The following DNAH17 variants were observed in gnomAD, a reference collection of about 807,000 sequenced individuals.
DNAH17 encodes the protein dynein axonemal heavy chain 17.
In DNAH17, 376 loss-of-function variants were observed where a neutral mutation model predicts 485.6. The ratio of observed to expected loss-of-function variants is 0.77; its 90% CI spans 0.71 to 0.84. The LOEUF (loss-of-function observed/expected upper bound fraction) is 0.84. DNAH17 is among the 40% of genes least tolerant of loss of function. DNAH17 has a pLI of 0.00. For missense variants in DNAH17, 6,370 were observed against 5,839.3 expected (o/e 1.09, Z -2.96); for synonymous variants, 3,031 against 2,405.9 (o/e 1.26, Z -7.60).
At chr17:78,551,990 G>C (rs1342432546) in intron 15 of DNAH17, among the ~76,000 whole-genome samples, 2 of 151,826 alleles carry the variant, frequency 1.3e-5, no homozygotes, top group East Asian at 1.9e-4. Context: ...AATTCAGCAG[G>C]ATGAAAACTT....
chr17:78,450,586 G>A lies in DNAH17; in HGVS notation c.10899+96C>T, dbSNP rs1384944535. ...CACTCGGGCACGTATGACCGAAGCT[G>A]CTTTTCTCCTTTCTCATGGTAGGGA... is the stretch of plus-strand genomic sequence containing the variant. On this transcript the variant is annotated intron_variant, in intron 67 of 80. Coordinates refer to ENST00000389840, the MANE Select transcript of DNAH17 (RefSeq NM_173628.4). 6.7e-6 allele frequency: 10 copies of A among 1,487,348 alleles called. No homozygotes were observed. The East Asian group carries it at 1.5e-4, about 22-fold the overall frequency. The allele number at this position is 1,487,348 out of a possible 1,614,324, so 92.1% of individuals were successfully genotyped here. A position where few individuals can be genotyped will look rare whatever the true frequency, so the allele number is the denominator to read the frequency against.
intron 75 of DNAH17, among the ~76,000 whole-genome samples, chr17:78,432,910 C>CACCCCCAA (rs908649933): frequency 8.1e-6 from 1 of 123,976 alleles, no homozygotes; most frequent in Admixed American, 7.5e-5. Flanking sequence ...GTGCCCCCCC[C>CACCCCCAA]CCCCGACCCC....
chr17:78,569,416 T>C lies in DNAH17; in HGVS notation c.1156A>G (p.Thr386Ala). Residue 386 changes from threonine to alanine, a missense_variant, in exon 8 of 81, where the codon ACG (threonine) becomes GCG (alanine). Coordinates refer to ENST00000389840, the MANE Select transcript of DNAH17 (RefSeq NM_173628.4). Reference sequence around the variant, plus strand: ...ATGTTCACGCAGCAGAAGTCGTACGTCTGGTAGAGCTCCTTCAGCACATTT... The same window carrying C: ...ATGTTCACGCAGCAGAAGTCGTACGCCTGGTAGAGCTCCTTCAGCACATTT... ...AVNVLKELYQ[T>A]YDFCCVNMKL... is the part of the protein sequence containing the mutation. The C allele has an allele frequency of 6.2e-7, 1 of 1,612,950 alleles. No individual in the cohort carries two copies. The highest frequency in any genetic ancestry group is 2.2e-5 in the East Asian group (1 of 44,862).
intron 56 of DNAH17, among the ~76,000 whole-genome samples, chr17:78,464,245 T>C (rs1056063894): frequency 6.6e-6 from 1 of 152,146 alleles, no homozygotes; most frequent in African/African-American, 2.4e-5. Context: ...ACAGTGAACA[T>C]GGGCGCCATC....
rs149518721 is a variant in DNAH17, at chr17:78,429,196, G to A, written c.12330C>T (p.Tyr4110=). ...RRLCRTYLAE[Y]IRTEMLEGDV... ...CTCCCTCCAGCATCTCCGTCCGGAT[G>A]TATTCAGCCAGGTAGGTCCTGCACA... The change falls in exon 76 of 81, where the codon TAC becomes TAT. Residue 4110 remains tyrosine (Y), a synonymous_variant. Coordinates refer to ENST00000389840, the MANE Select transcript of DNAH17 (RefSeq NM_173628.4). 1.2e-4 allele frequency: 199 copies of A among 1,613,862 alleles called. No homozygotes were observed. In the African/African-American group the frequency reaches 1.9e-3, roughly 16 times the overall value.
chr17:78,437,660 G>T lies in DNAH17; in HGVS notation c.12014C>A (p.Ala4005Asp), dbSNP rs1255925654. ...CCCTACCTGGGTGAACAGGTCCAGG[G>T]CCTTGTGCAAGTTGGCGTGCATGCC... ...PTGMHANLHK[A>D]LDLFTQDTLE... is the part of the protein sequence containing the mutation. The change falls in exon 74 of 81, where the codon GCC (alanine) becomes GAC (aspartate). Residue 4005 changes from alanine to aspartate, a missense_variant. Physicochemically the swap from Ala to Asp is moderately radical, Grantham distance 126 (BLOSUM62 -2). Transcript: ENST00000389840. 3 of 1,610,426 alleles carry T rather than the reference G, an allele frequency of 1.9e-6. No homozygotes were observed. The highest frequency in any genetic ancestry group is 1.7e-6 in the Non-Finnish European group (2 of 1,178,632).
Position 78,480,956 on chromosome 17 carries a change from T to C in DNAH17, c.7650-170A>G, listed in dbSNP as rs2001806. On this transcript the variant is annotated intron_variant, in intron 48 of 80. Transcript: ENST00000389840. ...CACAATCTCGGCTCACTGCAAGCTT[T>C]GCCTAATTTTTTGCATTTTTAGTTG... Among the ~76,000 whole-genome samples the C allele has an allele frequency of 0.032, 4,790 of 151,958 alleles. 235 individuals carry two copies. The highest frequency in any genetic ancestry group is 0.11 in the African/African-American group (4,378 of 41,386).
chr17:78,491,229 A>G (rs1345428955), intron 43 of DNAH17, among the ~76,000 whole-genome samples: 1 of 152,244 alleles, frequency 6.6e-6, no homozygotes, highest in Non-Finnish European at 1.5e-5. Context: ...CCATCCTGCT[A>G]AAATGTAAGG....
At chr17:78,501,627 CAG>C (rs2090293698) in intron 34 of DNAH17, 113 bp downstream of exon 34, 7 of 1,435,850 alleles carry the variant, frequency 4.9e-6, no homozygotes, top group South Asian at 3.9e-5. Flanking sequence ...CAGCCAGCAA[CAG>C]AGTCAGTGCC....
At chr17:78,454,997 T>C (rs539923756) in intron 63 of DNAH17, among the ~76,000 whole-genome samples, 41 of 152,092 alleles carry the variant, frequency 2.7e-4, no homozygotes, top group Non-Finnish European at 4.4e-4. Flanking sequence ...GTAACCTCTG[T>C]CTCTCGAGTT....
chr17:78,449,427 T>C lies in DNAH17; in HGVS notation c.11198A>G (p.Gln3733Arg). 6.5e-7 allele frequency: 1 copy of C among 1,550,088 alleles called. No individual in the cohort carries two copies. The highest frequency in any genetic ancestry group is 8.7e-7 in the Non-Finnish European group (1 of 1,146,166). The part of the protein sequence containing the change: ...FERDKLIFLA[Q>R]VTFQVLSMKK... ...GCTAGACATTACCTGAAACGTAACTTGTGCCAGGAAAATGAGTTTGTCCCT... is the reference window on the plus strand; with the variant it reads ...GCTAGACATTACCTGAAACGTAACTCGTGCCAGGAAAATGAGTTTGTCCCT... The change falls in exon 69 of 81, where the codon CAA (glutamine) becomes CGA (arginine). Residue 3733 changes from glutamine (Q) to arginine (R), a missense_variant. Gln to Arg is a conservative substitution (Grantham distance 43). Transcript: ENST00000389840.
Position 78,494,731 on chromosome 17 carries a change from G to A in DNAH17, c.6132C>T (p.Asp2044=). The A allele has an allele frequency of 1.2e-6, 2 of 1,613,794 alleles. No homozygotes were observed. The highest frequency in any genetic ancestry group is 1.7e-6 in the Non-Finnish European group (2 of 1,179,888). ...LKRGDPSRAE[D]QVLMRALRDF... ...CTCTCAGCGCCCGCATGAGCACCTG[G>A]TCCTCTGCCCGGCTGGGGTCGCCCC... Residue 2044 remains aspartate (D), a synonymous_variant, in exon 40 of 81, where the codon GAC becomes GAT. Coordinates refer to ENST00000389840, the MANE Select transcript of DNAH17 (RefSeq NM_173628.4).
Position 78,466,537 on chromosome 17 carries a change from G to A in DNAH17, c.8940+118C>T, listed in dbSNP as rs987440665. ...GCCTCTTAAACGTTGAGCCCAAGGC[G>A]GACGCCTCACTTGGCTCACCCTAAT... On this transcript the variant is annotated intron_variant, in intron 56 of 80. Transcript: ENST00000389840. The A allele has an allele frequency of 1.3e-4, 119 of 930,072 alleles. No individual in the cohort carries two copies. In the East Asian group the frequency reaches 1.4e-3, roughly 11 times the overall value. 57.6% of individuals were successfully genotyped at this position (930,072 alleles called of 1,614,324 possible).
chr17:78,478,097 CCAT>C (rs1219501354), intron 51 of DNAH17, among the ~76,000 whole-genome samples: 77 of 149,260 alleles, frequency 5.2e-4, no homozygotes, highest in Admixed American at 1.7e-3. Flanking sequence ...ATCACCACCA[CCAT>C]CATCATCATC....
At position 78,491,633 on chromosome 17, in the gene DNAH17, G is replaced by A. The variant is rs2089862975; in HGVS notation, c.6542-63C>T. ...TCCGGCCCCATTCCAGTCCCCACCAGTCCTGACCCTGGCCTCTCTCTCTGG... is the reference window on the plus strand; with the variant it reads ...TCCGGCCCCATTCCAGTCCCCACCAATCCTGACCCTGGCCTCTCTCTCTGG... On this transcript the variant is annotated intron_variant, in intron 42 of 80. Coordinates refer to ENST00000389840, the MANE Select transcript of DNAH17 (RefSeq NM_173628.4). The A allele has an allele frequency of 3.8e-6, 6 of 1,562,540 alleles. No homozygotes were observed. The African/African-American group carries it at 5.4e-5, about 14-fold the overall frequency.
chr17:78,448,096 C>G (rs922713057), intron 69 of DNAH17, among the ~76,000 whole-genome samples: 2 of 151,828 alleles, frequency 1.3e-5, no homozygotes, highest in East Asian at 1.9e-4. Context: ...TGCTTGAACC[C>G]GGGAGGTGGA....
rs370768362 is a variant in DNAH17 at position 78,505,279 on chromosome 17, G to A, written c.4956+14C>T. On this transcript the variant is annotated intron_variant, in intron 31 of 80. Coordinates refer to ENST00000389840, the MANE Select transcript of DNAH17 (RefSeq NM_173628.4). ...TTGTCCTGGGTTCCCTGTGTGGTGT[G>A]CGCACACACTCACCTGCCCCGAGAG... 20 of 1,613,662 alleles carry A rather than the reference G, an allele frequency of 1.2e-5. No homozygotes were observed. The highest frequency in any genetic ancestry group is 1.7e-5 in the Non-Finnish European group (20 of 1,179,792).
At chr17:78,566,524 G>C (rs1291061975) in intron 11 of DNAH17, 90 bp downstream of exon 11, 5 of 956,088 alleles carry the variant, frequency 5.2e-6, no homozygotes, top group Non-Finnish European at 8.1e-6. Context: ...ACATGGAGAG[G>C]ATGAAATGGT....
intron 75 of DNAH17, among the ~76,000 whole-genome samples, chr17:78,429,798 GTCGT>G (rs2086611040): frequency 1.3e-5 from 2 of 152,318 alleles, no homozygotes; most frequent in African/African-American, 4.8e-5. Context: ...TGGCCACGAA[GTCGT>G]TAGTCATGTC....
Sources: gnomAD v4.1 joint callset for allele counts (sites outside exome capture counted in the v4.1 genomes callset) on GRCh38, gnomAD v4.1.1 for gene constraint, MANE v1.5 for transcripts, NCBI Gene and HGNC (gene_info 2026-07-23, HGNC 2026-07-21) for gene names.